Variants in SORCS1 observed in about 807,000 individuals in gnomAD.
SORCS1 encodes VPS10 domain-containing receptor SorCS1.
A neutral mutation model predicts 146.1 loss-of-function variants in SORCS1; 60 were observed. That is an observed-to-expected ratio of 0.41 (90% CI 0.33 to 0.51). SORCS1 has a LOEUF of 0.51. SORCS1 is among the 20% of genes least tolerant of loss of function. The pLI is 0.21. For synonymous variants in SORCS1, 637 were observed against 584.0 expected (o/e 1.09, Z -1.31); for missense variants, 1,352 against 1,487.6 (o/e 0.91, Z 1.50).
Position 106,588,408 on chromosome 10 carries a change from T to C in SORCS1, c.3266-8934A>G, listed in dbSNP as rs527674763. On this transcript the variant is annotated intron_variant, in intron 24 of 25. Transcript: ENST00000263054. Reference sequence around the variant, plus strand: ...TAATTCATGCTTCTGTTTTAGTGGATGGCTTGAGTTGTAAATCAGATTTAT... The same window carrying C: ...TAATTCATGCTTCTGTTTTAGTGGACGGCTTGAGTTGTAAATCAGATTTAT... Among the ~76,000 whole-genome samples the C allele has an allele frequency of 6.6e-5, 10 of 152,326 alleles. No individual in the cohort carries two copies. In the East Asian group the frequency reaches 1.9e-3, roughly 29 times the overall value.
chr10:107,012,710 C>A (rs1013377661), intron 1 of SORCS1, among the ~76,000 whole-genome samples: 2 of 152,154 alleles, frequency 1.3e-5, no homozygotes, highest in African/African-American at 4.8e-5. Context: ...GTAAACAGAA[C>A]CTGGTACAGA....
intron 6 of SORCS1, among the ~76,000 whole-genome samples, chr10:106,723,222 G>A (rs994306192): frequency 6.6e-6 from 1 of 152,200 alleles, no homozygotes; most frequent in South Asian, 2.1e-4. Context: ...GACATAGAAC[G>A]GAGATTAAAT....
intron 2 of SORCS1, among the ~76,000 whole-genome samples, chr10:106,849,999 C>A (rs1279264236): frequency 6.7e-6 from 1 of 149,738 alleles, no homozygotes; most frequent in Non-Finnish European, 1.5e-5. Context: ...AGCTGTCAGA[C>A]AGAGACTTTT....
chr10:106,756,128 C>CA (rs568777554), intron 5 of SORCS1, among the ~76,000 whole-genome samples: 9,009 of 145,258 alleles, frequency 0.062, 337 homozygotes, highest in African/African-American at 0.096. Flanking sequence ...GACAATGTCT[C>CA]AAAAAAAAAA....
At chr10:106,806,013 T>C (rs1947146498) in intron 3 of SORCS1, among the ~76,000 whole-genome samples, 1 of 137,846 alleles carries the variant, frequency 7.3e-6, no homozygotes, top group African/African-American at 2.8e-5. Flanking sequence ...TGAGCCGAGA[T>C]CGCACCACTG....
chr10:107,046,980 T>G (rs969814723), intron 1 of SORCS1, among the ~76,000 whole-genome samples: 8 of 152,166 alleles, frequency 5.3e-5, no homozygotes, highest in African/African-American at 1.4e-4. Flanking sequence ...TTGCTGTATT[T>G]TATTTTATTT....
rs545090970 is a variant in SORCS1, at chr10:106,709,749, C to A, written c.1025-408G>T. The stretch of plus-strand genomic sequence containing the variant: ...AGGCGTGAGCCACCGCGCCCAGCCA[C>A]CATTTCCAGTTCTTTAAACAAGCCT... On this transcript the variant is annotated intron_variant, in intron 6 of 25. Transcript: ENST00000263054. 3.9e-5 allele frequency among the ~76,000 whole-genome samples: 6 copies of A among 152,108 alleles called. No homozygotes were observed. The East Asian group carries it at 1.2e-3, about 30-fold the overall frequency.
At chr10:106,762,386 CTTTTTTTTTT>C (rs869195563) in intron 4 of SORCS1, among the ~76,000 whole-genome samples, 5 of 73,822 alleles carry the variant, frequency 6.8e-5, no homozygotes, top group Middle Eastern at 0.019. Context: ...TTTTATTATT[CTTTTTTTTTT>C]TTTTTTTTTT....
intron 2 of SORCS1, among the ~76,000 whole-genome samples, chr10:106,882,075 C>A (rs997583506): frequency 6.6e-6 from 1 of 152,138 alleles, no homozygotes; most frequent in Non-Finnish European, 1.5e-5. Flanking sequence ...ATTTGTCATT[C>A]CCAGCTTCAC....
At chr10:107,138,173 C>A (rs949470086) in intron 1 of SORCS1, among the ~76,000 whole-genome samples, 12 of 152,112 alleles carry the variant, frequency 7.9e-5, no homozygotes, top group Admixed American at 1.3e-4. Flanking sequence ...AATGAATCCT[C>A]TATCTCCTAA....
At chr10:106,779,604 GCAGTGACA>G (rs1291925155) in intron 3 of SORCS1, among the ~76,000 whole-genome samples, 3 of 133,206 alleles carry the variant, frequency 2.3e-5, no homozygotes, top group African/African-American at 8.6e-5. Flanking sequence ...AGGCTGTAAT[GCAGTGACA>G]CAATCTCAGC....
upstream of SORCS1, among the ~76,000 whole-genome samples, chr10:107,167,275 G>C (rs1970075987): frequency 6.6e-6 from 1 of 152,160 alleles, no homozygotes; most frequent in Non-Finnish European, 1.5e-5. Context: ...TTATCTAGAA[G>C]ACTCCAATAA....
At chr10:106,642,097 G>A (rs1849109164) in intron 18 of SORCS1, among the ~76,000 whole-genome samples, 1 of 152,174 alleles carries the variant, frequency 6.6e-6, no homozygotes, top group Admixed American at 6.5e-5. Flanking sequence ...ATGAAATGCA[G>A]AGGAGATGGA....
chr10:106,886,726 TTC>T (rs542729184), intron 2 of SORCS1, among the ~76,000 whole-genome samples: 69 of 152,354 alleles, frequency 4.5e-4, no homozygotes, highest in Admixed American at 4.3e-3. Flanking sequence ...AGCAGATCCA[TTC>T]TCTTTCTAGA....
chr10:106,634,237 C>G (rs542424075), intron 18 of SORCS1, among the ~76,000 whole-genome samples: 4 of 152,102 alleles, frequency 2.6e-5, no homozygotes, highest in African/African-American at 9.7e-5. Flanking sequence ...TCAACTCCGG[C>G]GGGGCTAGGA....
intron 24 of SORCS1, among the ~76,000 whole-genome samples, chr10:106,590,854 C>T (rs559488966): frequency 1.3e-5 from 2 of 152,224 alleles, no homozygotes; most frequent in East Asian, 1.9e-4. Flanking sequence ...GGGATTTCAC[C>T]GTGTTGGTCA....
At chr10:107,159,659 T>G (rs1255121573) in intron 1 of SORCS1, among the ~76,000 whole-genome samples, 1 of 152,208 alleles carries the variant, frequency 6.6e-6, no homozygotes, top group Non-Finnish European at 1.5e-5. Flanking sequence ...GGCAACGTGC[T>G]GATTTAGCAG....
intron 1 of SORCS1, among the ~76,000 whole-genome samples, chr10:107,107,833 T>G (rs924904771): frequency 9.9e-5 from 15 of 152,146 alleles, no homozygotes; most frequent in African/African-American, 3.4e-4. Flanking sequence ...CATTTTCTCT[T>G]GGTCTTATTA....
intron 2 of SORCS1, among the ~76,000 whole-genome samples, chr10:106,922,351 ACAG>A (rs1156828100): frequency 1.3e-5 from 2 of 152,246 alleles, no homozygotes; most frequent in Non-Finnish European, 2.9e-5. Context: ...CATGAAGACT[ACAG>A]CAGACTCTGG....
Sources: gnomAD v4.1 joint callset for allele counts (sites outside exome capture counted in the v4.1 genomes callset) on GRCh38, gnomAD v4.1.1 for gene constraint, MANE v1.5 for transcripts, NCBI Gene and HGNC (gene_info 2026-07-23, HGNC 2026-07-21) for gene names.